CEP41: variants seen among roughly 807,000 people sequenced by gnomAD.
CEP41 encodes centrosomal protein of 41 kDa.
A neutral mutation model predicts 44.3 loss-of-function variants in CEP41; 32 were observed. That is an observed-to-expected ratio of 0.72 (90% confidence interval 0.54 to 0.97). The LOEUF is 0.97. Among genes scored for constraint, CEP41 ranks in the 50% least tolerant of loss-of-function variants. The pLI, the probability that CEP41 is intolerant of heterozygous loss-of-function variation, is 0.00. For synonymous variants in CEP41, 151 were observed against 168.5 expected (o/e 0.90, Z 0.80); for missense variants, 432 against 455.2 (o/e 0.95, Z 0.46).
At chr7:130,437,156 CAGG>C (rs1190660285) in intron 1 of CEP41, among the ~76,000 whole-genome samples, 2 of 151,792 alleles carry the variant, frequency 1.3e-5, no homozygotes, top group African/African-American at 4.8e-5. Flanking sequence ...ATGAGGGAAA[CAGG>C]AGATGAAAGT....
chr7:130,400,657 T>C (rs782324977), intron 9 of CEP41, 50 bp downstream of exon 9: 6 of 1,108,996 alleles, frequency 5.4e-6, no homozygotes, highest in Non-Finnish European at 8.2e-6. Flanking sequence ...CAGGTGGGAC[T>C]GAAGGATGAT....
chr7:130,439,005 T>A (rs2117727088), intron 1 of CEP41, among the ~76,000 whole-genome samples: 1 of 152,334 alleles, frequency 6.6e-6, no homozygotes, highest in East Asian at 1.9e-4. Context: ...TTTTGAAATC[T>A]ACAATATAGT....
chr7:130,400,533 A>C (rs1796810766), intron 9 of CEP41, 174 bp downstream of exon 9: 3 of 657,854 alleles, frequency 4.6e-6, no homozygotes, highest in Non-Finnish European at 5.4e-6. Flanking sequence ...AATTAAAAAC[A>C]TGTGCTGATG....
At chr7:130,417,463 G>A (rs1185216087) in intron 2 of CEP41, 27 of 483,268 alleles carry the variant, frequency 5.6e-5, no homozygotes, top group African/African-American at 1.3e-4. Flanking sequence ...CTCTTCTACC[G>A]TTCATGCTCA....
At chr7:130,439,363 G>C (rs1454411171) in intron 1 of CEP41, among the ~76,000 whole-genome samples, 1 of 151,822 alleles carries the variant, frequency 6.6e-6, no homozygotes, top group African/African-American at 2.4e-5. Flanking sequence ...TTTTGCAGGG[G>C]GGAGGGGAGT....
chr7:130,403,178 T>C (rs570299614), intron 6 of CEP41, among the ~76,000 whole-genome samples: 1 of 152,286 alleles, frequency 6.6e-6, no homozygotes, highest in South Asian at 2.1e-4. Context: ...ATATGGTTGG[T>C]AGGACAGGAA....
chr7:130,437,378 T>C (rs1479655590), intron 1 of CEP41, among the ~76,000 whole-genome samples: 12 of 145,224 alleles, frequency 8.3e-5, no homozygotes, highest in Non-Finnish European at 1.7e-4. Flanking sequence ...AAAAAAAAGG[T>C]TCCACAAGCT....
Position 130,419,789 on chromosome 7 carries a change from G to C in CEP41, c.98-2823C>G, listed in dbSNP as rs1454567123. The C allele has an allele frequency of 3.0e-6, 3 of 985,074 alleles. No individual in the cohort carries two copies. The African/African-American group carries it at 5.3e-5, about 17-fold the overall frequency. 61.0% of individuals were successfully genotyped at this position (985,074 alleles called of 1,614,324 possible). On this transcript the variant is annotated intron_variant, in intron 2 of 10. Transcript: ENST00000223208. ...AACTCTTAGTCTTGCATTCTCTAAC[G>C]TATCACCTTGCCACATACTCGTAAG...
intron 4 of CEP41, among the ~76,000 whole-genome samples, 200 bp from the exon 5 acceptor site, chr7:130,411,391 G>C (rs1797179066): frequency 6.6e-6 from 1 of 152,166 alleles, no homozygotes; most frequent in South Asian, 2.1e-4. Context: ...CATTTCAGAA[G>C]AAAAGCACAC....
intron 1 of CEP41, among the ~76,000 whole-genome samples, chr7:130,429,256 G>A (rs552124447): frequency 1.7e-4 from 26 of 152,302 alleles, no homozygotes; most frequent in Non-Finnish European, 2.8e-4. Flanking sequence ...CAGGGATGTC[G>A]ACCATGGCAT....
In CEP41 at chr7:130,397,957, C is replaced by T. The variant is rs1554415533; in HGVS notation, c.*934G>A. Reference sequence around the variant, plus strand: ...GCAAGGGCTTACGAGGTTGTCAGCCCTGACAAAGGACTTCGGAGTCCTCTT... The same window carrying T: ...GCAAGGGCTTACGAGGTTGTCAGCCTTGACAAAGGACTTCGGAGTCCTCTT... On this transcript the variant is annotated 3_prime_UTR_variant, in exon 11 of 11. Transcript: ENST00000223208. 1 of 454,550 alleles carries T rather than the reference C, an allele frequency of 2.2e-6. No homozygotes were observed. The highest frequency in any genetic ancestry group is 6.9e-5 in the East Asian group (1 of 14,394). The allele number at this position is 454,550 out of a possible 1,614,324, so 28.2% of individuals were successfully genotyped here. A position where few individuals can be genotyped will look rare whatever the true frequency, so the allele number is the denominator to read the frequency against.
intron 2 of CEP41, chr7:130,419,580 T>TA (rs1554421650): frequency 4.6e-5 from 45 of 982,874 alleles, no homozygotes; most frequent in East Asian, 1.1e-4. Flanking sequence ...CCAATTTTTT[T>TA]TAAAAAAAAT....
At chr7:130,416,251 T>C (rs1346572224) in intron 3 of CEP41, among the ~76,000 whole-genome samples, 1 of 152,252 alleles carries the variant, frequency 6.6e-6, no homozygotes, top group Non-Finnish European at 1.5e-5. Flanking sequence ...AAATCCATCT[T>C]AGAAAATAGA....
chr7:130,404,311 G>A (rs1334727866), intron 6 of CEP41, among the ~76,000 whole-genome samples: 1 of 152,166 alleles, frequency 6.6e-6, no homozygotes, highest in Non-Finnish European at 1.5e-5. Context: ...GTAGGAGGGA[G>A]AAGAATGGAA....
At chr7:130,432,656 G>C (rs978252353) in intron 1 of CEP41, among the ~76,000 whole-genome samples, 3 of 151,168 alleles carry the variant, frequency 2.0e-5, no homozygotes, top group African/African-American at 4.9e-5. Flanking sequence ...CCAGCTGCTC[G>C]AGAGGCTGGG....
At chr7:130,410,872 G>A in intron 5 of CEP41, 1 of 559,424 alleles carries the variant, frequency 1.8e-6, no homozygotes, top group East Asian at 3.1e-5. Flanking sequence ...GTTGAAAAAA[G>A]TAATTAGTAT....
At chr7:130,413,095 G>T (rs781977001) in intron 3 of CEP41, among the ~76,000 whole-genome samples, 5 of 152,102 alleles carry the variant, frequency 3.3e-5, no homozygotes, top group Non-Finnish European at 7.3e-5. Flanking sequence ...AGGTTCGAGG[G>T]ATTCTCCTGC....
intron 2 of CEP41, 87 bp downstream of exon 2, chr7:130,427,868 T>G (rs1021235356): frequency 2.4e-6 from 2 of 850,426 alleles, no homozygotes; most frequent in Non-Finnish European, 3.9e-6. Context: ...CTTTTAGCTG[T>G]GATTTATACC....
At position 130,401,878 on chromosome 7, in the gene CEP41, T is replaced by C. The variant is rs781833101; in HGVS notation, c.642+3A>G. ...CAATTCCTTAAAATGCAACAAAGGA[T>C]ACATATTCAAGAATATCATTTGAAT... On this transcript the variant is annotated splice_donor_region_variant and intron_variant, in intron 8 of 10. Coordinates refer to ENST00000223208, the MANE Select transcript of CEP41 (RefSeq NM_018718.3). The C allele has an allele frequency of 6.3e-7, 1 of 1,579,866 alleles. No homozygotes were observed. Among genetic ancestry groups the C allele is most frequent in the South Asian group, 1.1e-5 (1 of 90,374 alleles).
Sources: gnomAD v4.1 joint callset for allele counts (sites outside exome capture counted in the v4.1 genomes callset) on GRCh38, gnomAD v4.1.1 for gene constraint, MANE v1.5 for transcripts, NCBI Gene and HGNC (gene_info 2026-07-23, HGNC 2026-07-21) for gene names.